Variants in DCAF8L2 observed in about 807,000 individuals in gnomAD.
DCAF8L2 encodes DDB1- and CUL4-associated factor 8-like protein 2.
For synonymous variants in DCAF8L2, 200 were observed against 190.9 expected, an observed-to-expected ratio of 1.05 and a Z score of -0.39; for missense variants, 430 against 490.7, an observed-to-expected ratio of 0.88 and a Z score of 1.17.
chrX:27,473,021 G>A, the DCAF8L2 span, among the ~76,000 whole-genome samples: 1 of 111,203 alleles, frequency 9.0e-6, no homozygotes, highest in Non-Finnish European at 1.9e-5. Context: ...TTCCCACTCT[G>A]AACTCATAAG....
At chrX:27,690,383 G>T (rs934357596) in intron 3 of DCAF8L2, among the ~76,000 whole-genome samples, 3 of 111,212 alleles carry the variant, frequency 2.7e-5, no homozygotes, top group Non-Finnish European at 5.7e-5. Flanking sequence ...AAAAAGTACG[G>T]GGAATTAAAG....
the DCAF8L2 span, among the ~76,000 whole-genome samples, chrX:27,545,333 A>C: frequency 8.9e-6 from 1 of 111,946 alleles, no homozygotes; most frequent in African/African-American, 3.2e-5. Flanking sequence ...AATGGAAGCC[A>C]ATTGGCTGTG....
At chrX:27,478,802 G>A in the DCAF8L2 span, among the ~76,000 whole-genome samples, 250 of 111,820 alleles carry the variant, frequency 2.2e-3, 1 homozygote, top group African/African-American at 7.7e-3. Flanking sequence ...ACATTGTTTA[G>A]CATCTAAAAG....
chrX:27,686,533 A>C (rs2147247651), intron 3 of DCAF8L2, among the ~76,000 whole-genome samples: 1 of 111,274 alleles, frequency 9.0e-6, no homozygotes, highest in South Asian at 3.9e-4. Flanking sequence ...AAAAAGGTGT[A>C]TCTCATGAAG....
intron 1 of DCAF8L2, among the ~76,000 whole-genome samples, chrX:27,595,132 GC>G (rs1234943393): frequency 1.8e-5 from 2 of 110,751 alleles, no homozygotes; most frequent in African/African-American, 6.6e-5. Context: ...CAGTCTTCAG[GC>G]CTCTTTTCTC....
chrX:27,671,997 C>A (rs1178716529), intron 2 of DCAF8L2, among the ~76,000 whole-genome samples: 1 of 111,689 alleles, frequency 9.0e-6, no homozygotes, highest in South Asian at 3.6e-4. Flanking sequence ...AACAGCCTAT[C>A]TTAATATAGG....
At chrX:27,604,434 G>T (rs1230634765) in intron 1 of DCAF8L2, among the ~76,000 whole-genome samples, 1 of 111,089 alleles carries the variant, frequency 9.0e-6, no homozygotes, top group African/African-American at 3.3e-5. Context: ...TAAGAAAGCT[G>T]TTACTGTCTC....
At chrX:27,736,123 C>A (rs1320218153) in intron 4 of DCAF8L2, among the ~76,000 whole-genome samples, 1 of 110,827 alleles carries the variant, frequency 9.0e-6, no homozygotes, top group African/African-American at 3.3e-5. Context: ...CCCCTTCATA[C>A]TCCACCCCAT....
At chrX:27,668,681 G>A (rs777489995) in intron 2 of DCAF8L2, among the ~76,000 whole-genome samples, 4 of 112,129 alleles carry the variant, frequency 3.6e-5, no homozygotes, top group East Asian at 5.6e-4. Flanking sequence ...GGCCAGGCGC[G>A]GTGGCTCACG....
chrX:27,630,109 C>A (rs983430034), intron 1 of DCAF8L2, among the ~76,000 whole-genome samples: 9 of 111,048 alleles, frequency 8.1e-5, no homozygotes, highest in African/African-American at 2.9e-4. Flanking sequence ...TTGGACAGTT[C>A]ATTGTTAGTG....
chrX:27,597,886 C>A (rs1208005565), intron 1 of DCAF8L2, among the ~76,000 whole-genome samples: 1 of 112,328 alleles, frequency 8.9e-6, no homozygotes, highest in Non-Finnish European at 1.9e-5. Flanking sequence ...GTGTGAAGGT[C>A]AGAAAGTAGT....
chrX:27,555,896 G>A, the DCAF8L2 span, among the ~76,000 whole-genome samples: 5 of 111,045 alleles, frequency 4.5e-5, no homozygotes, highest in Non-Finnish European at 9.4e-5. Context: ...CTAACATCAC[G>A]TGCTTGAATC....
intron 2 of DCAF8L2, among the ~76,000 whole-genome samples, chrX:27,652,638 A>G (rs1378017608): frequency 8.9e-6 from 1 of 112,234 alleles, no homozygotes; most frequent in Non-Finnish European, 1.9e-5. Flanking sequence ...CATTACTAAC[A>G]TGTCATGCTA....
chrX:27,670,252 A>T (rs144444410), intron 2 of DCAF8L2, among the ~76,000 whole-genome samples: 2 of 110,714 alleles, frequency 1.8e-5, no homozygotes, highest in Non-Finnish European at 3.8e-5. Flanking sequence ...AGATTGGTTC[A>T]GTCAGGGCCC....
chrX:27,477,368 A>G, the DCAF8L2 span, among the ~76,000 whole-genome samples: 1 of 111,364 alleles, frequency 9.0e-6, no homozygotes, highest in Admixed American at 9.5e-5. Context: ...GCTCACTGCA[A>G]GCTCTGCCTC....
At chrX:27,636,467 G>T (rs1050396163) in intron 2 of DCAF8L2, among the ~76,000 whole-genome samples, 1 of 111,833 alleles carries the variant, frequency 8.9e-6, no homozygotes, top group Non-Finnish European at 1.9e-5. Context: ...ATTCATTTAT[G>T]TAACTCCCTA....
intron 2 of DCAF8L2, among the ~76,000 whole-genome samples, chrX:27,664,031 C>G (rs67580720): frequency 0.15 from 16,267 of 108,569 alleles, 1,516 homozygotes; most frequent in East Asian, 0.37. Context: ...AATTGATAAC[C>G]CTACAATGGC....
At chrX:27,560,408 A>C in the DCAF8L2 span, among the ~76,000 whole-genome samples, 1 of 111,866 alleles carries the variant, frequency 8.9e-6, no homozygotes, top group African/African-American at 3.3e-5. Flanking sequence ...TTGCGCCCGC[A>C]TACTAAGCCA....
intron 3 of DCAF8L2, among the ~76,000 whole-genome samples, chrX:27,704,955 T>A (rs189622472): frequency 2.7e-5 from 3 of 110,955 alleles, no homozygotes; most frequent in Admixed American, 9.6e-5. Context: ...TCTGATCCTC[T>A]CCCTCTTCCC....
Sources: gnomAD v4.1 joint callset for allele counts (sites outside exome capture counted in the v4.1 genomes callset) on GRCh38, gnomAD v4.1.1 for gene constraint, MANE v1.5 for transcripts, NCBI Gene and HGNC (gene_info 2026-07-23, HGNC 2026-07-21) for gene names.